The following GRM7 variants were observed in gnomAD, a reference collection of about 807,000 sequenced individuals.
The protein encoded by GRM7 is metabotropic glutamate receptor 7.
GRM7 carries 35 observed loss-of-function variants against 84.5 expected under a neutral mutation model. That is an observed-to-expected ratio of 0.41 (90% CI 0.32 to 0.55). The LOEUF (loss-of-function observed/expected upper bound fraction) is 0.55, where lower values mean the gene tolerates loss of function less well. Ranked by LOEUF, GRM7 falls within the 20% of genes least tolerant of loss-of-function variation. The pLI, the probability that GRM7 is intolerant of heterozygous loss-of-function variation, is 0.19. For missense variants in GRM7, 1,003 were observed against 1,194.6 expected, an observed-to-expected ratio of 0.84 and a Z score of 2.36; for synonymous variants, 487 against 455.1, an observed-to-expected ratio of 1.07 and a Z score of -0.89.
At chr3:7,020,863 G>GACAGA (rs758889340) in intron 1 of GRM7, among the ~76,000 whole-genome samples, 6 of 152,110 alleles carry the variant, frequency 3.9e-5, no homozygotes, top group Non-Finnish European at 8.8e-5. Flanking sequence ...GAGTCCAGTT[G>GACAGA]ACAGAATGTA....
At chr3:7,139,846 G>C (rs540320485) in intron 1 of GRM7, among the ~76,000 whole-genome samples, 4 of 152,016 alleles carry the variant, frequency 2.6e-5, no homozygotes, top group African/African-American at 9.6e-5. Context: ...AAAAGTTTCT[G>C]TATAGCAAAG....
chr3:7,602,975 T>C (rs1464515042), intron 8 of GRM7, among the ~76,000 whole-genome samples: 1 of 152,158 alleles, frequency 6.6e-6, no homozygotes, highest in Non-Finnish European at 1.5e-5. Context: ...AAGCATCTAC[T>C]GACAGAATGA....
chr3:7,208,646 C>T (rs891899637), intron 2 of GRM7, among the ~76,000 whole-genome samples: 2 of 152,122 alleles, frequency 1.3e-5, no homozygotes, highest in African/African-American at 4.8e-5. Flanking sequence ...TCACGGGACT[C>T]TGTTGGGTCC....
chr3:7,173,848 CT>C (rs1183490481), intron 2 of GRM7, among the ~76,000 whole-genome samples: 2 of 152,174 alleles, frequency 1.3e-5, no homozygotes, highest in Non-Finnish European at 2.9e-5. Flanking sequence ...ACAGCTTATA[CT>C]TTTCTGTGTG....
chr3:7,536,149 G>A (rs1701234362), intron 7 of GRM7, among the ~76,000 whole-genome samples: 2 of 152,120 alleles, frequency 1.3e-5, no homozygotes, highest in Non-Finnish European at 2.9e-5. Flanking sequence ...CAGAATGCTG[G>A]GACTTGGTTT....
intron 5 of GRM7, among the ~76,000 whole-genome samples, chr3:7,422,441 T>G (rs1696435840): frequency 6.6e-6 from 1 of 152,178 alleles, no homozygotes; most frequent in African/African-American, 2.4e-5. Flanking sequence ...AACAGCCACA[T>G]GTGCCTAGTG....
At chr3:7,667,976 C>T (rs1575610733) in intron 8 of GRM7, among the ~76,000 whole-genome samples, 1 of 152,120 alleles carries the variant, frequency 6.6e-6, no homozygotes, top group South Asian at 2.1e-4. Flanking sequence ...TTAGCACAAG[C>T]TGTTTGAAAG....
intron 4 of GRM7, among the ~76,000 whole-genome samples, chr3:7,320,548 A>T (rs942414294): frequency 6.6e-6 from 1 of 151,926 alleles, no homozygotes; most frequent in African/African-American, 2.4e-5. Context: ...CTTGAGTGAG[A>T]GTTGTATAAC....
At chr3:7,295,296 G>A (rs1699775861) in intron 2 of GRM7, among the ~76,000 whole-genome samples, 1 of 152,066 alleles carries the variant, frequency 6.6e-6, no homozygotes, top group African/African-American at 2.4e-5. Flanking sequence ...ACAATCAGTT[G>A]ACTGTATTTG....
chr3:6,898,943 C>G (rs1374757334), intron 1 of GRM7, among the ~76,000 whole-genome samples: 2 of 152,104 alleles, frequency 1.3e-5, no homozygotes, highest in Admixed American at 1.3e-4. Flanking sequence ...GTGGTTGTGA[C>G]AAATTCAGGC....
At chr3:7,710,406 C>A (rs1016518870) in intron 9 of GRM7, among the ~76,000 whole-genome samples, 1 of 152,114 alleles carries the variant, frequency 6.6e-6, no homozygotes. Flanking sequence ...ACACAGTAAT[C>A]GCTGGAGATT....
chr3:7,505,102 A>G (rs568704767), intron 7 of GRM7, among the ~76,000 whole-genome samples: 1 of 152,314 alleles, frequency 6.6e-6, no homozygotes, highest in South Asian at 2.1e-4. Flanking sequence ...AAAAGGCATA[A>G]CTGGTTCCAA....
At chr3:6,997,420 A>G (rs1295404194) in intron 1 of GRM7, among the ~76,000 whole-genome samples, 4 of 152,174 alleles carry the variant, frequency 2.6e-5, no homozygotes, top group Non-Finnish European at 2.9e-5. Flanking sequence ...CACTCACAGT[A>G]GAAGGGGAAG....
chr3:7,328,134 A>T lies in GRM7; in HGVS notation c.1033+21482A>T, dbSNP rs139709192. On this transcript the variant is annotated intron_variant, in intron 4 of 9. Transcript: ENST00000357716. ...AATTCAGTGACTGCGGCTTATTTCA[A>T]CTTTAGAATTAGCAAAGATTTTTCC... Among the ~76,000 whole-genome samples the T allele has an allele frequency of 4.9e-3, 742 of 152,272 alleles. 5 individuals are homozygous for T. The highest frequency in any genetic ancestry group is 0.017 in the African/African-American group (700 of 41,564).
chr3:7,017,862 T>C (rs1369153016), intron 1 of GRM7, among the ~76,000 whole-genome samples: 1 of 152,208 alleles, frequency 6.6e-6, no homozygotes, highest in African/African-American at 2.4e-5. Flanking sequence ...TGAATGAGCA[T>C]AGTGAAGATA....
chr3:7,024,596 G>T (rs1240436), intron 1 of GRM7, among the ~76,000 whole-genome samples: 11 of 152,148 alleles, frequency 7.2e-5, no homozygotes, highest in Admixed American at 2.0e-4. Context: ...AACTGCAGCA[G>T]GCATGGAGAT....
intron 7 of GRM7, among the ~76,000 whole-genome samples, chr3:7,534,259 C>G (rs908791373): frequency 6.6e-6 from 1 of 152,250 alleles, no homozygotes; most frequent in African/African-American, 2.4e-5. Flanking sequence ...ACTAATCTGC[C>G]TTCTTCAGCC....
At chr3:7,580,899 A>T (rs572627498) in intron 8 of GRM7, among the ~76,000 whole-genome samples, 1 of 152,228 alleles carries the variant, frequency 6.6e-6, no homozygotes, top group African/African-American at 2.4e-5. Context: ...AGAAAAAAAA[A>T]ATCCCCAAAT....
intron 1 of GRM7, among the ~76,000 whole-genome samples, chr3:6,941,314 AC>A (rs1463131860): frequency 6.6e-6 from 1 of 152,114 alleles, no homozygotes; most frequent in African/African-American, 2.4e-5. Context: ...TCTATTTTTT[AC>A]CCTTTCTTTA....
Sources: gnomAD v4.1 joint callset for allele counts (sites outside exome capture counted in the v4.1 genomes callset) on GRCh38, gnomAD v4.1.1 for gene constraint, MANE v1.5 for transcripts, NCBI Gene and HGNC (gene_info 2026-07-23, HGNC 2026-07-21) for gene names.